HIBADH: variants seen among roughly 807,000 people sequenced by gnomAD.
HIBADH encodes the protein 3-hydroxyisobutyrate dehydrogenase, mitochondrial.
In HIBADH, 25 loss-of-function variants were observed where a neutral mutation model predicts 36.1. The ratio of observed to expected loss-of-function variants is 0.69; its 90% CI spans 0.50 to 0.97. HIBADH has a LOEUF of 0.97. HIBADH is among the 50% of genes least tolerant of loss of function. The pLI is 0.00. For synonymous variants in HIBADH, 160 were observed against 149.5 expected (o/e 1.07, Z -0.51); for missense variants, 421 against 418.0 (o/e 1.01, Z -0.06).
At chr7:27,590,681 T>G (rs1980329) in intron 4 of HIBADH, among the ~76,000 whole-genome samples, 2 of 152,044 alleles carry the variant, frequency 1.3e-5, no homozygotes, top group Non-Finnish European at 2.9e-5. Flanking sequence ...CTGTAAAGCA[T>G]TCTGAAGGTA....
At chr7:27,558,435 C>T (rs947567397) in intron 4 of HIBADH, among the ~76,000 whole-genome samples, 35 of 152,156 alleles carry the variant, frequency 2.3e-4, no homozygotes, top group African/African-American at 7.7e-4. Flanking sequence ...TCGAGCAATC[C>T]TCCCACCTCA....
chr7:27,584,243 T>C (rs1331011363), intron 4 of HIBADH, among the ~76,000 whole-genome samples: 3 of 152,102 alleles, frequency 2.0e-5, no homozygotes, highest in African/African-American at 7.2e-5. Context: ...CCCTCTATTT[T>C]GTACTTTGCA....
intron 4 of HIBADH, among the ~76,000 whole-genome samples, chr7:27,547,516 A>T (rs1784251071): frequency 6.6e-6 from 1 of 152,210 alleles, no homozygotes; most frequent in African/African-American, 2.4e-5. Flanking sequence ...TAGCTCTAGT[A>T]CATAAGAGAT....
At chr7:27,654,134 A>T (rs1786251130) in intron 1 of HIBADH, among the ~76,000 whole-genome samples, 1 of 152,240 alleles carries the variant, frequency 6.6e-6, no homozygotes, top group African/African-American at 2.4e-5. Context: ...ACTGAAGAGT[A>T]GATACCAAAG....
intron 7 of HIBADH, among the ~76,000 whole-genome samples, chr7:27,527,072 A>C (rs1783913873): frequency 1.1e-4 from 1 of 9,312 alleles, no homozygotes. Context: ...GTGACAGCAA[A>C]TGTGAAGCAA....
chr7:27,558,168 C>CT (rs1366105688), intron 4 of HIBADH, among the ~76,000 whole-genome samples: 21 of 152,102 alleles, frequency 1.4e-4, no homozygotes, highest in Admixed American at 1.1e-3. Context: ...GATTTGTCTT[C>CT]TGAAAGACCA....
chr7:27,646,225 T>C (rs1446093886), intron 2 of HIBADH, among the ~76,000 whole-genome samples: 1 of 152,230 alleles, frequency 6.6e-6, no homozygotes, highest in Non-Finnish European at 1.5e-5. Flanking sequence ...GCTTGACTGA[T>C]CTAGGCACCT....
intron 4 of HIBADH, among the ~76,000 whole-genome samples, chr7:27,617,942 A>C (rs1330245358): frequency 6.6e-6 from 1 of 152,204 alleles, no homozygotes; most frequent in Non-Finnish European, 1.5e-5. Context: ...ACTACTCCCC[A>C]GGAAAAAAAT....
At chr7:27,575,082 A>G (rs1004237054) in intron 4 of HIBADH, among the ~76,000 whole-genome samples, 5 of 152,228 alleles carry the variant, frequency 3.3e-5, no homozygotes, top group Admixed American at 3.3e-4. Context: ...TACAAACCTT[A>G]GCATTATAAA....
intron 4 of HIBADH, among the ~76,000 whole-genome samples, chr7:27,591,583 C>T (rs1258965624): frequency 6.6e-6 from 1 of 151,986 alleles, no homozygotes; most frequent in Non-Finnish European, 1.5e-5. Flanking sequence ...CCTAACCCAC[C>T]ACAAGTTCTG....
At chr7:27,564,421 C>T (rs776840787) in intron 4 of HIBADH, among the ~76,000 whole-genome samples, 2 of 152,006 alleles carry the variant, frequency 1.3e-5, no homozygotes, top group Non-Finnish European at 2.9e-5. Flanking sequence ...TATCATTTGT[C>T]GAAAAGACCA....
intron 4 of HIBADH, among the ~76,000 whole-genome samples, chr7:27,554,945 C>T (rs1040250341): frequency 6.6e-6 from 1 of 152,202 alleles, no homozygotes; most frequent in Non-Finnish European, 1.5e-5. Context: ...TCTTGGTAGC[C>T]CCTCAGCCAA....
At chr7:27,549,662 T>TC (rs1784289217) in intron 4 of HIBADH, among the ~76,000 whole-genome samples, 1 of 152,220 alleles carries the variant, frequency 6.6e-6, no homozygotes, top group Non-Finnish European at 1.5e-5. Flanking sequence ...TGACCTTTTT[T>TC]CCCAAGATAA....
intron 1 of HIBADH, among the ~76,000 whole-genome samples, chr7:27,659,367 C>T (rs1786370824): frequency 6.6e-6 from 1 of 152,168 alleles, no homozygotes; most frequent in African/African-American, 2.4e-5. Flanking sequence ...AATAGTAATA[C>T]ATGTACACTT....
intron 4 of HIBADH, among the ~76,000 whole-genome samples, chr7:27,589,190 T>G (rs1006862599): frequency 1.1e-4 from 17 of 152,168 alleles, no homozygotes; most frequent in African/African-American, 4.1e-4. Context: ...ACTTAAAAAT[T>G]CAGATTAACA....
chr7:27,661,155 T>C (rs1786409001), intron 1 of HIBADH, among the ~76,000 whole-genome samples: 1 of 152,316 alleles, frequency 6.6e-6, no homozygotes, highest in South Asian at 2.1e-4. Flanking sequence ...GTTTGGCATA[T>C]TCTGAGTTTT....
At chr7:27,660,496 T>G (rs1236732503) in intron 1 of HIBADH, among the ~76,000 whole-genome samples, 1 of 152,152 alleles carries the variant, frequency 6.6e-6, no homozygotes, top group Non-Finnish European at 1.5e-5. Context: ...ACCCCGTTTC[T>G]ACTAAAAAAT....
At chr7:27,536,280 T>A (rs540717930) in intron 6 of HIBADH, among the ~76,000 whole-genome samples, 1 of 152,148 alleles carries the variant, frequency 6.6e-6, no homozygotes, top group Non-Finnish European at 1.5e-5. Context: ...CCTCATGTTA[T>A]GAAAATAAGC....
chr7:27,593,703 T>C (rs1784980331), intron 4 of HIBADH, among the ~76,000 whole-genome samples: 1 of 151,934 alleles, frequency 6.6e-6, no homozygotes, highest in East Asian at 1.9e-4. Flanking sequence ...AGATAAAACT[T>C]ACAAAAAGAG....
Sources: allele counts gnomAD v4.1 joint callset (sites outside exome capture counted in the v4.1 genomes callset), GRCh38; gene constraint gnomAD v4.1.1; transcripts MANE v1.5; gene names NCBI Gene and HGNC (gene_info 2026-07-23, HGNC 2026-07-21).